Variants in TASP1 observed in about 807,000 individuals in gnomAD.
TASP1 encodes the protein taspase 1.
In TASP1, 16 loss-of-function variants were observed where a neutral mutation model predicts 56.6. The ratio of observed to expected loss-of-function variants is 0.28; its 90% confidence interval spans 0.19 to 0.43. The LOEUF (loss-of-function observed/expected upper bound fraction) is 0.43. Among genes scored for constraint, TASP1 ranks in the 20% least tolerant of loss-of-function variants. TASP1 has a pLI of 1.00. For missense variants in TASP1, 393 were observed against 511.6 expected, an observed-to-expected ratio of 0.77 and a Z score of 2.24; for synonymous variants, 179 against 184.2, an observed-to-expected ratio of 0.97 and a Z score of 0.23.
chr20:13,326,838 A>T, the TASP1 span, among the ~76,000 whole-genome samples: 1 of 152,338 alleles, frequency 6.6e-6, no homozygotes, highest in East Asian at 1.9e-4. Flanking sequence ...CATATATGGC[A>T]AACCCACAGC....
chr20:13,587,528 A>G (rs2047351425), intron 4 of TASP1, among the ~76,000 whole-genome samples, 158 bp from the exon 5 acceptor site: 1 of 152,230 alleles, frequency 6.6e-6, no homozygotes, highest in Admixed American at 6.5e-5. Flanking sequence ...TGACAAAGAT[A>G]TCAGCAGCAA....
chr20:13,597,710 G>T (rs1223122381), intron 4 of TASP1, among the ~76,000 whole-genome samples: 1 of 152,058 alleles, frequency 6.6e-6, no homozygotes, highest in Non-Finnish European at 1.5e-5. Flanking sequence ...AGAAATAAAG[G>T]GTATTCAATT....
intron 8 of TASP1, among the ~76,000 whole-genome samples, chr20:13,557,737 T>C (rs1006774014): frequency 6.6e-5 from 10 of 151,666 alleles, no homozygotes; most frequent in African/African-American, 2.4e-4. Flanking sequence ...TGCACCACCA[T>C]ATCCAGCTAA....
At chr20:13,543,063 T>C (rs1340593883) in intron 8 of TASP1, among the ~76,000 whole-genome samples, 5 of 152,218 alleles carry the variant, frequency 3.3e-5, no homozygotes, top group African/African-American at 4.8e-5. Context: ...GAATTCAATC[T>C]GATTGGCAAT....
the TASP1 span, among the ~76,000 whole-genome samples, chr20:13,178,546 C>A: frequency 5.3e-5 from 8 of 152,090 alleles, no homozygotes; most frequent in Non-Finnish European, 1.2e-4. Flanking sequence ...TATATATACA[C>A]AATGGAATAT....
chr20:13,362,166 C>T, the TASP1 span, among the ~76,000 whole-genome samples: 1 of 150,216 alleles, frequency 6.7e-6, no homozygotes, highest in Non-Finnish European at 1.5e-5. Context: ...CACCACCCCC[C>T]AAAAATTTTC....
the TASP1 span, chr20:13,166,015 C>T: frequency 6.6e-6 from 1 of 152,566 alleles, no homozygotes. Context: ...GGAAAAGTAG[C>T]CTCTTGTTAA....
At chr20:13,574,594 G>C (rs1242632662) in intron 6 of TASP1, among the ~76,000 whole-genome samples, 2 of 151,494 alleles carry the variant, frequency 1.3e-5, no homozygotes, top group Admixed American at 6.6e-5. Context: ...CAGGAAGCTA[G>C]AGGAAAGTTT....
intron 10 of TASP1, among the ~76,000 whole-genome samples, chr20:13,507,297 C>T (rs111521447): frequency 1.2e-4 from 18 of 152,260 alleles, no homozygotes; most frequent in African/African-American, 2.9e-4. Flanking sequence ...TTTTGGGAGG[C>T]CAAAGCATGA....
At chr20:13,274,340 G>T in the TASP1 span, among the ~76,000 whole-genome samples, 1 of 152,126 alleles carries the variant, frequency 6.6e-6, no homozygotes, top group South Asian at 2.1e-4. Context: ...GACGGTCCCT[G>T]CCGGCCCCGT....
chr20:13,362,677 T>C, the TASP1 span, among the ~76,000 whole-genome samples: 44,532 of 151,278 alleles, frequency 0.29, 7,633 homozygotes, highest in African/African-American at 0.47. Context: ...TCTCTTCACA[T>C]GGACGCGCAT....
At chr20:13,312,644 A>G in the TASP1 span, among the ~76,000 whole-genome samples, 1 of 152,174 alleles carries the variant, frequency 6.6e-6, no homozygotes, top group African/African-American at 2.4e-5. Context: ...TGGGGCCATG[A>G]CAGTGGACTG....
chr20:13,399,834 T>G (rs1408804928), intron 13 of TASP1, among the ~76,000 whole-genome samples: 1 of 152,156 alleles, frequency 6.6e-6, no homozygotes. Flanking sequence ...AACTATGTAA[T>G]CTATCTGACC....
chr20:13,111,438 G>T, the TASP1 span, among the ~76,000 whole-genome samples: 3 of 152,198 alleles, frequency 2.0e-5, no homozygotes, highest in African/African-American at 7.2e-5. Flanking sequence ...AGAGGCCAGG[G>T]ATGCTGCCAA....
the TASP1 span, among the ~76,000 whole-genome samples, chr20:13,233,595 C>CA: frequency 0.16 from 9,895 of 63,208 alleles, 446 homozygotes; most frequent in Non-Finnish European, 0.18. Context: ...AACTCCATCT[C>CA]AAAAAAAAAA....
the TASP1 span, among the ~76,000 whole-genome samples, chr20:13,215,616 A>C: frequency 6.6e-6 from 1 of 152,172 alleles, no homozygotes; most frequent in Admixed American, 6.5e-5. Context: ...TGCTTCCAAG[A>C]AGCCGGTCCT....
At chr20:13,577,038 T>A (rs946724392) in intron 6 of TASP1, among the ~76,000 whole-genome samples, 6 of 152,164 alleles carry the variant, frequency 3.9e-5, no homozygotes, top group African/African-American at 1.4e-4. Context: ...ATTAGAGTAT[T>A]GTATATGCTG....
chr20:13,276,056 T>C, the TASP1 span, among the ~76,000 whole-genome samples: 4 of 152,378 alleles, frequency 2.6e-5, no homozygotes, highest in African/African-American at 7.2e-5. Context: ...GATATCTTCC[T>C]AGTCCATTTT....
the TASP1 span, among the ~76,000 whole-genome samples, chr20:13,112,503 G>C: frequency 6.6e-6 from 1 of 152,184 alleles, no homozygotes; most frequent in East Asian, 1.9e-4. Context: ...AGGTGAAATA[G>C]ACCCTACCCC....
Sources: gnomAD v4.1 joint callset for allele counts (sites outside exome capture counted in the v4.1 genomes callset) on GRCh38, gnomAD v4.1.1 for gene constraint, MANE v1.5 for transcripts, NCBI Gene and HGNC (gene_info 2026-07-23, HGNC 2026-07-21) for gene names.